Variants in HTR1E observed in about 807,000 individuals in gnomAD.
HTR1E encodes 5-hydroxytryptamine receptor 1E.
HTR1E carries 3 observed loss-of-function variants against 3.4 expected under a neutral mutation model. The ratio of observed to expected loss-of-function variants is 0.89; its 90% CI spans 0.41 to 2.31. The LOEUF (loss-of-function observed/expected upper bound fraction) is 2.31, where lower values mean the gene tolerates loss of function less well. HTR1E is among the 30% of genes most tolerant of loss of function. HTR1E has a pLI of 0.05. For synonymous variants in HTR1E, 170 were observed against 182.8 expected, an observed-to-expected ratio of 0.93 and a Z score of 0.56; for missense variants, 392 against 467.0, an observed-to-expected ratio of 0.84 and a Z score of 1.48.
At position 87,015,588 on chromosome 6, in the gene HTR1E, T is replaced by G. The variant is rs1768309082; in HGVS notation, c.254T>G (p.Met85Arg). 3 of 1,613,906 alleles carry G rather than the reference T, an allele frequency of 1.9e-6. No homozygotes were observed. Among genetic ancestry groups the G allele is most frequent in the Non-Finnish European group, 2.5e-6 (3 of 1,179,956 alleles). Residue 85 changes from methionine to arginine, a missense_variant, in exon 2 of 2, where the codon ATG becomes AGG. Met to Arg is a moderately conservative substitution (Grantham distance 91). Around this residue, in one of 3 missense-constraint regions of HTR1E, gnomAD observed 189 missense variants for 258.0 expected, o/e 0.73. Transcript: ENST00000305344. ...CCCCTGAGCATCATCTACATTGTCA[T>G]GGATCGCTGGAAGCTTGGGTACTTC... ...VMPLSIIYIV[M>R]DRWKLGYFLC...
chr6:87,012,730 C>G (rs372274762), intron 1 of HTR1E, among the ~76,000 whole-genome samples: 1 of 152,164 alleles, frequency 6.6e-6, no homozygotes, highest in South Asian at 2.1e-4. Context: ...ATGTATTAGG[C>G]GTTGTTCTCA....
chr6:86,959,485 A>G (rs1161351812), intron 1 of HTR1E, among the ~76,000 whole-genome samples: 1 of 152,104 alleles, frequency 6.6e-6, no homozygotes, highest in Non-Finnish European at 1.5e-5. Flanking sequence ...CAGGAGGCAG[A>G]GGCATGAGAA....
intron 1 of HTR1E, among the ~76,000 whole-genome samples, chr6:86,942,531 CTTTCA>C (rs1347127693): frequency 6.6e-6 from 1 of 152,172 alleles, no homozygotes; most frequent in Non-Finnish European, 1.5e-5. Context: ...TTTTATTATG[CTTTCA>C]TTTGAGCCAT....
chr6:86,984,104 G>A (rs1188377634), intron 1 of HTR1E, among the ~76,000 whole-genome samples: 2 of 152,030 alleles, frequency 1.3e-5, no homozygotes, highest in Non-Finnish European at 2.9e-5. Flanking sequence ...TGGTTTGATG[G>A]CTTTCACTTT....
At chr6:86,951,729 A>G (rs1333448948) in intron 1 of HTR1E, among the ~76,000 whole-genome samples, 1 of 152,224 alleles carries the variant, frequency 6.6e-6, no homozygotes. Flanking sequence ...TTAATTCACT[A>G]AAAGAAAAAA....
At chr6:86,983,131 TTTC>T (rs1392806931) in intron 1 of HTR1E, among the ~76,000 whole-genome samples, 2 of 152,262 alleles carry the variant, frequency 1.3e-5, no homozygotes, top group African/African-American at 2.4e-5. Context: ...TCTCTTTGTC[TTTC>T]TTAACTTGAG....
At chr6:86,969,603 C>A (rs922551843) in intron 1 of HTR1E, among the ~76,000 whole-genome samples, 2 of 152,212 alleles carry the variant, frequency 1.3e-5, no homozygotes, top group African/African-American at 2.4e-5. Context: ...TGTCTGGTCT[C>A]TTTCACCTCT....
intron 1 of HTR1E, among the ~76,000 whole-genome samples, chr6:86,991,174 C>G (rs1767865876): frequency 6.6e-6 from 1 of 152,020 alleles, no homozygotes; most frequent in African/African-American, 2.4e-5. Flanking sequence ...TCATGAGAAA[C>G]AAGCAAAGAT....
chr6:86,950,782 C>T (rs573873106), intron 1 of HTR1E, among the ~76,000 whole-genome samples: 1 of 152,012 alleles, frequency 6.6e-6, no homozygotes, highest in Non-Finnish European at 1.5e-5. Context: ...TAAATTGGAC[C>T]AAATTCTATA....
Position 86,937,707 on chromosome 6 carries a change from A to C in HTR1E, c.-302A>C, listed in dbSNP as rs1401250727. ...GTACTCCAGAATCGAATGTTGAGAGAAGCAGTGCTCTGATCCAGCTCAGGA... is the reference window on the plus strand; with the variant it reads ...GTACTCCAGAATCGAATGTTGAGAGCAGCAGTGCTCTGATCCAGCTCAGGA... On this transcript the variant is annotated 5_prime_UTR_variant, in exon 1 of 2. Transcript: ENST00000305344. The C allele has an allele frequency of 6.5e-6, 1 of 152,750 alleles. No homozygotes were observed. Among genetic ancestry groups the C allele is most frequent in the Non-Finnish European group, 1.5e-5 (1 of 68,116 alleles). 9.5% of individuals were successfully genotyped at this position (152,750 alleles called of 1,614,324 possible). A position where few individuals can be genotyped will look rare whatever the true frequency, so the allele number is the denominator to read the frequency against.
intron 1 of HTR1E, among the ~76,000 whole-genome samples, chr6:86,997,481 A>G (rs949395873): frequency 7.2e-5 from 11 of 151,898 alleles, no homozygotes; most frequent in African/African-American, 2.2e-4. Context: ...CTAATAAGTT[A>G]GTTCAGCAAG....
rs375068102 is a variant in HTR1E at position 87,015,971 on chromosome 6, T to C, written c.637T>C (p.Tyr213His). ...GATTTACCACGCGGCCAAGAGCCTT[T>C]ACCAGAAAAGGGGATCAAGTCGGCA... ...YRIYHAAKSL[Y>H]QKRGSSRHLS... Residue 213 changes from tyrosine to histidine, a missense_variant, in exon 2 of 2, where the codon TAC becomes CAC. Transcript: ENST00000305344. The C allele has an allele frequency of 9.9e-6, 16 of 1,614,120 alleles. No individual in the cohort carries two copies. Among genetic ancestry groups the C allele is most frequent in the East Asian group, 2.2e-5 (1 of 44,900 alleles).
intron 1 of HTR1E, among the ~76,000 whole-genome samples, chr6:86,979,059 T>C (rs566081569): frequency 1.5e-4 from 23 of 152,226 alleles, no homozygotes; most frequent in Non-Finnish European, 2.4e-4. Flanking sequence ...TCAAAATCAA[T>C]TGAGTGTCCA....
intron 1 of HTR1E, chr6:86,970,923 G>A (rs1488659765): frequency 9.7e-6 from 3 of 309,028 alleles, no homozygotes; most frequent in African/African-American, 6.6e-5. Context: ...ATCTACAACA[G>A]TGGTTATGGC....
At chr6:86,970,510 G>T (rs1767534849) in intron 1 of HTR1E, 2 of 174,842 alleles carry the variant, frequency 1.1e-5, no homozygotes, top group African/African-American at 2.4e-5. Flanking sequence ...TCAAGAAAAA[G>T]CAAAGAAGTT....
intron 1 of HTR1E, among the ~76,000 whole-genome samples, chr6:86,982,515 G>A (rs1439998561): frequency 1.3e-5 from 2 of 152,164 alleles, no homozygotes; most frequent in Non-Finnish European, 2.9e-5. Context: ...TCCAGGAATG[G>A]GTCAGCCCTG....
intron 1 of HTR1E, among the ~76,000 whole-genome samples, chr6:86,992,321 C>T (rs899771646): frequency 6.6e-6 from 1 of 152,086 alleles, no homozygotes; most frequent in Non-Finnish European, 1.5e-5. Context: ...TCTATAGAAA[C>T]ATAGAGTTGT....
In HTR1E at chr6:87,015,442, C is replaced by G. The variant is rs1768305471; in HGVS notation, c.108C>G (p.Thr36=). ...CTCTGGTGGTCATCACCACCCTCACCACGTTGCTGAACTTGGCTGTGATCA... is the reference window on the plus strand; with the variant it reads ...CTCTGGTGGTCATCACCACCCTCACGACGTTGCTGAACTTGGCTGTGATCA... The part of the protein sequence containing the change: ...CMTLVVITTL[T]TLLNLAVIMA... Residue 36 remains threonine (T), a synonymous_variant, in exon 2 of 2, where the codon ACC becomes ACG. Transcript: ENST00000305344. 6.2e-7 allele frequency: 1 copy of G among 1,613,968 alleles called. No homozygotes were observed. The highest frequency in any genetic ancestry group is 1.7e-5 in the Admixed American group (1 of 59,998).
chr6:86,969,907 C>T (rs1767525737), intron 1 of HTR1E, among the ~76,000 whole-genome samples: 1 of 152,134 alleles, frequency 6.6e-6, no homozygotes, highest in African/African-American at 2.4e-5. Context: ...AACCAGAAGT[C>T]ATCTTACAAC....
Sources: gnomAD v4.1 joint callset for allele counts (sites outside exome capture counted in the v4.1 genomes callset) on GRCh38, gnomAD v4.1.1 for gene constraint, gnomAD v4.1.1 regional missense constraint, MANE v1.5 for transcripts, NCBI Gene and HGNC (gene_info 2026-07-23, HGNC 2026-07-21) for gene names.